MGLL: variants seen among roughly 807,000 people sequenced by gnomAD.
MGLL encodes monoglyceride lipase, also known as lysophospholipase homolog.
A neutral mutation model predicts 29.1 loss-of-function variants in MGLL; 7 were observed. The ratio of observed to expected loss-of-function variants is 0.24; its 90% CI spans 0.14 to 0.45. The LOEUF (loss-of-function observed/expected upper bound fraction) is 0.45. Among genes scored for constraint, MGLL ranks in the 20% least tolerant of loss-of-function variants. The probability of loss-of-function intolerance (pLI) is 0.99; values close to 1 mark genes in which losing one functional copy is unlikely to be tolerated. For missense variants in MGLL, 356 were observed against 413.6 expected, an observed-to-expected ratio of 0.86 and a Z score of 1.21; for synonymous variants, 148 against 168.3, an observed-to-expected ratio of 0.88 and a Z score of 0.93.
intron 3 of MGLL, among the ~76,000 whole-genome samples, chr3:127,746,853 C>A (rs2076455336): frequency 6.6e-6 from 1 of 152,118 alleles, no homozygotes; most frequent in Admixed American, 6.5e-5. Flanking sequence ...TCCACCCAGT[C>A]CATGGGCCTG....
intron 3 of MGLL, among the ~76,000 whole-genome samples, chr3:127,769,055 A>G (rs1446976645): frequency 2.0e-5 from 3 of 152,220 alleles, no homozygotes; most frequent in Non-Finnish European, 1.5e-5. Flanking sequence ...TCTGCTAGAA[A>G]GAGTTGGATT....
intron 3 of MGLL, among the ~76,000 whole-genome samples, chr3:127,755,570 G>A (rs1034367890): frequency 2.0e-5 from 3 of 152,222 alleles, no homozygotes; most frequent in Admixed American, 1.3e-4. Context: ...GCGAGACTCA[G>A]TGCAGCCGGG....
intron 4 of MGLL, among the ~76,000 whole-genome samples, chr3:127,721,889 G>A (rs1009195716): frequency 7.9e-5 from 12 of 152,130 alleles, no homozygotes; most frequent in African/African-American, 2.9e-4. Context: ...TGGCCTGTGG[G>A]CTGCCAGTTT....
At chr3:127,750,365 CCTCTT>C (rs1292167767) in intron 3 of MGLL, among the ~76,000 whole-genome samples, 1 of 152,174 alleles carries the variant, frequency 6.6e-6, no homozygotes, top group East Asian at 1.9e-4. Context: ...AGGCCACGTG[CCTCTT>C]CATCTGCGCA....
chr3:127,717,845 G>A (rs1271187430), intron 5 of MGLL, among the ~76,000 whole-genome samples: 1 of 152,152 alleles, frequency 6.6e-6, no homozygotes, highest in Non-Finnish European at 1.5e-5. Flanking sequence ...CACTCTTCCA[G>A]CTGGGGGGCC....
At chr3:127,752,216 C>T (rs952374042) in intron 3 of MGLL, among the ~76,000 whole-genome samples, 3 of 152,056 alleles carry the variant, frequency 2.0e-5, no homozygotes, top group Non-Finnish European at 2.9e-5. Context: ...CCTGCCTCAG[C>T]CTCCCAAGTA....
rs143358564 is a variant in MGLL at position 127,748,265 on chromosome 3, G to A, written c.263-25699C>T. Among the ~76,000 whole-genome samples the A allele has an allele frequency of 3.9e-3, 594 of 152,128 alleles. 5 individuals carry two copies. Among genetic ancestry groups the A allele is most frequent in the Non-Finnish European group, 5.7e-3 (386 of 68,006 alleles). ...GCGCCTGACACTCAGAGGACCATTC[G>A]AATTAAATCCGAGTCATTCTCAACT... On this transcript the variant is annotated intron_variant, in intron 3 of 7. Transcript: ENST00000265052.
chr3:127,750,951 G>A (rs1004174034), intron 3 of MGLL, among the ~76,000 whole-genome samples: 1 of 152,196 alleles, frequency 6.6e-6, no homozygotes, highest in Non-Finnish European at 1.5e-5. Context: ...GGCAAGGCTG[G>A]CAGTTGAGGA....
rs570127867 is a variant in MGLL at position 127,801,347 on chromosome 3, C to T, written c.156-19452G>A. ...GAGTGGGGGTAACGGCCAGGCGCGG[C>T]GGCTCACGCCTGTAATCTCAGCACT... On this transcript the variant is annotated intron_variant, in intron 2 of 7. Coordinates refer to ENST00000265052, the MANE Select transcript of MGLL (RefSeq NM_007283.7). 1.8e-3 allele frequency among the ~76,000 whole-genome samples: 248 copies of T among 134,574 alleles called. 1 individual carries two copies. Among genetic ancestry groups the T allele is most frequent in the African/African-American group, 6.3e-3 (225 of 35,696 alleles). 88.3% of individuals were successfully genotyped at this position (134,574 alleles called of 152,430 possible). A position where few individuals can be genotyped will look rare whatever the true frequency, so the allele number is the denominator to read the frequency against.
At chr3:127,775,463 C>T (rs762545488) in intron 3 of MGLL, among the ~76,000 whole-genome samples, 3 of 152,070 alleles carry the variant, frequency 2.0e-5, no homozygotes, top group Non-Finnish European at 4.4e-5. Flanking sequence ...AATTATTCCC[C>T]CTGAATTTCC....
chr3:127,761,285 G>A lies in MGLL; in HGVS notation c.262+20504C>T, dbSNP rs2076759645. On this transcript the variant is annotated intron_variant, in intron 3 of 7. Coordinates refer to ENST00000265052, the MANE Select transcript of MGLL (RefSeq NM_007283.7). This position sits in a 1 kb window ranked among gnomAD's most constrained non-coding sequence, Gnocchi z 4.6. Reference sequence around the variant, plus strand: ...GATGACCAGACTGCGTCACTTTCCAGGGCCCACTGGGCAAACTGGCTTCTC... The same window carrying A: ...GATGACCAGACTGCGTCACTTTCCAAGGCCCACTGGGCAAACTGGCTTCTC... 6.6e-6 allele frequency among the ~76,000 whole-genome samples: 1 copy of A among 152,214 alleles called. No individual in the cohort carries two copies. Among genetic ancestry groups the A allele is most frequent in the Admixed American group, 6.5e-5 (1 of 15,284 alleles).
chr3:127,807,374 A>C (rs1425222530), intron 2 of MGLL, among the ~76,000 whole-genome samples: 1 of 152,008 alleles, frequency 6.6e-6, no homozygotes, highest in Admixed American at 6.6e-5. Context: ...TTCTTGATGA[A>C]TCTAGCTGAA....
In MGLL at chr3:127,692,109, TTTTTTTG is replaced by T. The variant is rs1383975909; in HGVS notation, c.*82_*88del. ...CCAATTTCTGATTTTTTTTTTTTTT[TTTTTTTG>T]GCAAGCCATATCTGAGAAGCCATCT... On this transcript the variant is annotated 3_prime_UTR_variant, in exon 8 of 8. Coordinates refer to ENST00000265052, the MANE Select transcript of MGLL (RefSeq NM_007283.7). 6.6e-4 allele frequency: 622 copies of T among 939,596 alleles called. 3 individuals are homozygous for T. The highest frequency in any genetic ancestry group is 1.7e-3 in the East Asian group (52 of 30,254). 58.2% of individuals were successfully genotyped at this position (939,596 alleles called of 1,614,324 possible).
chr3:127,766,085 C>A (rs190657403), intron 3 of MGLL, among the ~76,000 whole-genome samples: 32 of 152,268 alleles, frequency 2.1e-4, no homozygotes, highest in Admixed American at 1.8e-3. Context: ...AGTAGCTTGT[C>A]CAACGTCACA....
intron 3 of MGLL, among the ~76,000 whole-genome samples, chr3:127,752,744 C>G (rs1454459709): frequency 1.3e-5 from 2 of 152,140 alleles, no homozygotes; most frequent in East Asian, 3.8e-4. Context: ...AATAACTGAC[C>G]CTTTCTGCAA....
rs887492030 is a variant in MGLL, at chr3:127,695,204, G to A, written c.601-14C>T. 1 of 1,611,494 alleles carries A rather than the reference G, an allele frequency of 6.2e-7. No homozygotes were observed. Among genetic ancestry groups the A allele is most frequent in the Non-Finnish European group, 8.5e-7 (1 of 1,177,868 alleles). On this transcript the variant is annotated splice_polypyrimidine_tract_variant and intron_variant, in intron 6 of 7. Coordinates refer to ENST00000265052, the MANE Select transcript of MGLL (RefSeq NM_007283.7). ...ATAAATGTCGACCTGGAGGAAGAAG[G>A]AGAGGGTTCCATCAGCATGGGCAGG...
chr3:127,710,136 G>A (rs145950516), intron 6 of MGLL, among the ~76,000 whole-genome samples: 15 of 152,340 alleles, frequency 9.8e-5, no homozygotes, highest in South Asian at 4.1e-4. Flanking sequence ...GGCCTTCACT[G>A]GGGGAAAGCC....
intron 5 of MGLL, chr3:127,712,985 AGGCAGTG>A (rs2075748033): frequency 6.6e-6 from 1 of 152,302 alleles, no homozygotes; most frequent in Non-Finnish European, 1.5e-5. Context: ...CAGTGCATAA[AGGCAGTG>A]GGCTGTGGCT....
At chr3:127,741,734 C>A (rs1462949951) in intron 3 of MGLL, among the ~76,000 whole-genome samples, 1 of 152,238 alleles carries the variant, frequency 6.6e-6, no homozygotes, top group African/African-American at 2.4e-5. Context: ...CTTTTTCTAT[C>A]TGGCTGCTAC....
Sources: gnomAD v4.1 joint callset for allele counts (sites outside exome capture counted in the v4.1 genomes callset) on GRCh38, gnomAD v4.1.1 for gene constraint, Gnocchi (gnomAD v3.1) non-coding constraint, MANE v1.5 for transcripts, NCBI Gene and HGNC (gene_info 2026-07-23, HGNC 2026-07-21) for gene names.